Variants in PMFBP1 observed in about 807,000 individuals in gnomAD.
PMFBP1 encodes polyamine modulated factor 1 binding protein 1.
PMFBP1 carries 131 observed loss-of-function variants against 137.8 expected under a neutral mutation model. The observed-to-expected ratio is 0.95, with a 90% CI of 0.82 to 1.10. PMFBP1 has a LOEUF of 1.10. Among genes scored for constraint, PMFBP1 ranks in the 50% least tolerant of loss-of-function variants. PMFBP1 has a pLI of 0.00. For missense variants in PMFBP1, 1,199 were observed against 1,175.4 expected (o/e 1.02, Z -0.29); for synonymous variants, 490 against 450.4 (o/e 1.09, Z -1.11).
chr16:72,128,572 G>A (rs1335647325), intron 14 of PMFBP1, 85 bp downstream of exon 14: 1 of 1,610,740 alleles, frequency 6.2e-7, no homozygotes, highest in African/African-American at 1.3e-5. Context: ...CTGCATTTCT[G>A]TGTGGAGGAG....
At chr16:72,167,469 C>T (rs1254628005) in intron 2 of PMFBP1, among the ~76,000 whole-genome samples, 2 of 152,186 alleles carry the variant, frequency 1.3e-5, no homozygotes, top group South Asian at 2.1e-4. Context: ...ACCATTAAGA[C>T]AATTAATGGG....
At position 72,133,468 on chromosome 16, in the gene PMFBP1, C is replaced by T. The variant is rs115247968; in HGVS notation, c.1204-477G>A. On this transcript the variant is annotated intron_variant, in intron 9 of 20. Transcript: ENST00000237353. ...TGTTGGGATTACAGGTCTGAGCCACCGTACCCAGCCGTTTATTATCTTAGT... is the reference window on the plus strand; with the variant it reads ...TGTTGGGATTACAGGTCTGAGCCACTGTACCCAGCCGTTTATTATCTTAGT... Among the ~76,000 whole-genome samples, 972 of 152,194 alleles carry T rather than the reference C, an allele frequency of 6.4e-3. 10 individuals carry two copies. The highest frequency in any genetic ancestry group is 0.022 in the African/African-American group (899 of 41,530).
the PMFBP1 span, among the ~76,000 whole-genome samples, chr16:72,236,487 T>C: frequency 6.6e-6 from 1 of 152,128 alleles, no homozygotes; most frequent in African/African-American, 2.4e-5. Flanking sequence ...AAAGATAAAA[T>C]TGAGAAATGC....
the PMFBP1 span, among the ~76,000 whole-genome samples, chr16:72,187,444 T>C: frequency 6.6e-6 from 1 of 152,214 alleles, no homozygotes; most frequent in Non-Finnish European, 1.5e-5. Context: ...GGATCCACCC[T>C]GTACCCTGTA....
chr16:72,226,175 G>T, the PMFBP1 span, among the ~76,000 whole-genome samples: 4 of 152,160 alleles, frequency 2.6e-5, no homozygotes, highest in East Asian at 7.7e-4. Context: ...ACTGGCCCAG[G>T]CTTTGTGAGC....
the PMFBP1 span, among the ~76,000 whole-genome samples, chr16:72,193,012 G>A: frequency 6.6e-6 from 1 of 151,898 alleles, no homozygotes; most frequent in Non-Finnish European, 1.5e-5. Context: ...TGGGAAAAAA[G>A]CAGCTATATA....
chr16:72,192,419 T>G, the PMFBP1 span, among the ~76,000 whole-genome samples: 80,328 of 152,008 alleles, frequency 0.53, 22,636 homozygotes, highest in African/African-American at 0.73. Flanking sequence ...GAAGGGAACT[T>G]GCAGTTTCAT....
chr16:72,188,013 C>T, the PMFBP1 span, among the ~76,000 whole-genome samples: 1 of 152,328 alleles, frequency 6.6e-6, no homozygotes, highest in Admixed American at 6.5e-5. Context: ...CAAGAATGGT[C>T]TCATTAGGCA....
At chr16:72,211,027 G>A in the PMFBP1 span, among the ~76,000 whole-genome samples, 1 of 152,114 alleles carries the variant, frequency 6.6e-6, no homozygotes. Context: ...GGCAAGGGAT[G>A]GTTTTATCAC....
the PMFBP1 span, among the ~76,000 whole-genome samples, chr16:72,197,315 A>C: frequency 6.6e-6 from 1 of 152,242 alleles, no homozygotes; most frequent in Non-Finnish European, 1.5e-5. Flanking sequence ...TGACTAAGGT[A>C]AAAAAGCATG....
At chr16:72,140,315 G>A (rs550153496) in intron 6 of PMFBP1, 97 bp downstream of exon 6, 84 of 1,300,900 alleles carry the variant, frequency 6.5e-5, no homozygotes, top group South Asian at 4.7e-4. Flanking sequence ...GATTCTCGGC[G>A]AAAAAGATTA....
At chr16:72,118,064 A>G (rs1193177596), downstream of PMFBP1, among the ~76,000 whole-genome samples, 1 of 152,264 alleles carries the variant, frequency 6.6e-6, no homozygotes. Flanking sequence ...ACAACATTCA[A>G]AGAAACCAGA....
the PMFBP1 span, among the ~76,000 whole-genome samples, chr16:72,201,311 G>A: frequency 6.6e-6 from 1 of 152,188 alleles, no homozygotes; most frequent in East Asian, 1.9e-4. Flanking sequence ...TCAGAATAAT[G>A]CATTTTGGAT....
chr16:72,205,960 C>A, the PMFBP1 span, among the ~76,000 whole-genome samples: 2 of 151,944 alleles, frequency 1.3e-5, no homozygotes, highest in East Asian at 1.9e-4. Context: ...AGACAACAAA[C>A]ACACACACAC....
intron 15 of PMFBP1, 28 bp downstream of exon 15, chr16:72,125,940 C>A (rs1443722136): frequency 6.2e-7 from 1 of 1,609,748 alleles, no homozygotes; most frequent in Admixed American, 1.7e-5. Flanking sequence ...CTGAAAACAG[C>A]CCTGGAGACT....
chr16:72,158,837 G>T (rs2043020525), intron 3 of PMFBP1, among the ~76,000 whole-genome samples: 1 of 151,886 alleles, frequency 6.6e-6, no homozygotes, highest in Non-Finnish European at 1.5e-5. Flanking sequence ...TTTATAAAAA[G>T]TAAAAAAATT....
At chr16:72,152,154 G>A (rs1266142858) in intron 4 of PMFBP1, among the ~76,000 whole-genome samples, 2 of 152,118 alleles carry the variant, frequency 1.3e-5, no homozygotes, top group Non-Finnish European at 2.9e-5. Flanking sequence ...CTTGTCTTAG[G>A]GTCTGCTGTT....
chr16:72,143,532 C>T (rs577616664), intron 5 of PMFBP1, among the ~76,000 whole-genome samples: 1 of 152,060 alleles, frequency 6.6e-6, no homozygotes, highest in South Asian at 2.1e-4. Flanking sequence ...CACTTGAGGT[C>T]AGGAGTTCAA....
chr16:72,176,245 G>T (rs2043259147), upstream of PMFBP1, among the ~76,000 whole-genome samples: 1 of 152,122 alleles, frequency 6.6e-6, no homozygotes, highest in Non-Finnish European at 1.5e-5. Context: ...AGAAATTAGG[G>T]GCCAGGAGGA....
Sources: allele counts gnomAD v4.1 joint callset (sites outside exome capture counted in the v4.1 genomes callset), GRCh38; gene constraint gnomAD v4.1.1; transcripts MANE v1.5; gene names NCBI Gene and HGNC (gene_info 2026-07-23, HGNC 2026-07-21).